TENM2: variants seen among roughly 807,000 people sequenced by gnomAD.
The protein encoded by TENM2 is teneurin-2.
TENM2 carries 52 observed loss-of-function variants against 245.2 expected under a neutral mutation model. That is an observed-to-expected ratio of 0.21 (90% confidence interval 0.17 to 0.27). The LOEUF (loss-of-function observed/expected upper bound fraction) is 0.27, where lower values mean the gene tolerates loss of function less well. Among genes scored for constraint, TENM2 ranks in the 10% least tolerant of loss-of-function variants. The pLI, the probability that TENM2 is intolerant of heterozygous loss-of-function variation, is 1.00. For synonymous variants in TENM2, 1,363 were observed against 1,438.9 expected (o/e 0.95, Z 1.19); for missense variants, 3,046 against 3,666.8 (o/e 0.83, Z 4.37).
At chr5:168,139,853 A>G (rs1489902163) in intron 12 of TENM2, among the ~76,000 whole-genome samples, 1 of 152,208 alleles carries the variant, frequency 6.6e-6, no homozygotes, top group Admixed American at 6.5e-5. Context: ...AGTCTTCCCC[A>G]AATTTCCAAT....
chr5:168,146,488 C>G (rs1259338294), intron 12 of TENM2, among the ~76,000 whole-genome samples: 3 of 152,198 alleles, frequency 2.0e-5, no homozygotes, highest in African/African-American at 7.2e-5. Context: ...TTTATCGCCC[C>G]TGCCTGCTGG....
intron 25 of TENM2, among the ~76,000 whole-genome samples, chr5:168,232,063 CTCAAGAAAAG>C (rs1764973437): frequency 6.6e-6 from 1 of 152,126 alleles, no homozygotes; most frequent in African/African-American, 2.4e-5. Context: ...AAGACCCTGT[CTCAAGAAAAG>C]GAAAGAAAAG....
intron 2 of TENM2, among the ~76,000 whole-genome samples, chr5:167,875,600 A>G (rs1047146254): frequency 2.0e-5 from 3 of 152,108 alleles, no homozygotes; most frequent in Non-Finnish European, 2.9e-5. Flanking sequence ...GGACTGGGAC[A>G]ATGGGGAGTA....
At chr5:167,179,589 A>C in the TENM2 span, among the ~76,000 whole-genome samples, 153 of 152,068 alleles carry the variant, frequency 1.0e-3, 2 homozygotes, top group Middle Eastern at 3.4e-3. Flanking sequence ...CACCCCCGCA[A>C]CCCCGGCTCC....
At chr5:167,025,123 C>T in the TENM2 span, among the ~76,000 whole-genome samples, 3 of 152,004 alleles carry the variant, frequency 2.0e-5, no homozygotes, top group African/African-American at 7.2e-5. Flanking sequence ...ATAATACAAG[C>T]CACACGTATT....
At chr5:167,364,099 A>G (rs1171517758) in intron 1 of TENM2, among the ~76,000 whole-genome samples, 1 of 148,288 alleles carries the variant, frequency 6.7e-6, no homozygotes, top group African/African-American at 2.4e-5. Flanking sequence ...AGGGTAGCGT[A>G]AGATCAGCTG....
At chr5:167,021,510 C>A in the TENM2 span, among the ~76,000 whole-genome samples, 1 of 152,182 alleles carries the variant, frequency 6.6e-6, no homozygotes, top group Non-Finnish European at 1.5e-5. Context: ...ATCCTCTCAC[C>A]TTCGTGTTGT....
intron 2 of TENM2, among the ~76,000 whole-genome samples, chr5:167,816,132 T>C (rs1346943648): frequency 1.3e-5 from 2 of 151,908 alleles, no homozygotes; most frequent in East Asian, 1.9e-4. Context: ...GAAAAAACAA[T>C]AGAGCCACAT....
intron 2 of TENM2, among the ~76,000 whole-genome samples, chr5:167,483,946 C>T (rs150353498): frequency 0.017 from 2,562 of 152,172 alleles, 38 homozygotes; most frequent in Middle Eastern, 0.037. Context: ...AAGTTAATTT[C>T]GATGCTAATT....
At chr5:168,158,911 GTA>G (rs571182263) in intron 12 of TENM2, among the ~76,000 whole-genome samples, 335 of 121,176 alleles carry the variant, frequency 2.8e-3, no homozygotes, top group African/African-American at 0.01. Flanking sequence ...ATGTATATAT[GTA>G]TATATACACA....
At chr5:167,576,287 T>C (rs747568958) in intron 2 of TENM2, among the ~76,000 whole-genome samples, 7 of 152,082 alleles carry the variant, frequency 4.6e-5, no homozygotes, top group Non-Finnish European at 8.8e-5. Flanking sequence ...ATAGCATTTT[T>C]CTGAATTTTC....
chr5:168,047,665 C>CG lies in TENM2; in HGVS notation c.1309+122dup, dbSNP rs1304402937. On this transcript the variant is annotated intron_variant, in intron 6 of 28. Coordinates refer to ENST00000518659, the Ensembl canonical transcript of TENM2. ...GAAGGTATGCCAAAAGAAAAAGAAA[C>CG]GGGGGGAAAAATCATTGCCTTTCAT... The CG allele has an allele frequency of 2.0e-5, 26 of 1,275,824 alleles. No individual in the cohort carries two copies. In the East Asian group the frequency reaches 6.3e-4, roughly 31 times the overall value. 79.0% of individuals were successfully genotyped at this position (1,275,824 alleles called of 1,614,324 possible). A position where few individuals can be genotyped will look rare whatever the true frequency, so the allele number is the denominator to read the frequency against.
At chr5:167,735,077 A>G (rs1473182861) in intron 2 of TENM2, among the ~76,000 whole-genome samples, 1 of 152,196 alleles carries the variant, frequency 6.6e-6, no homozygotes, top group Non-Finnish European at 1.5e-5. Flanking sequence ...GGAAACAACA[A>G]ATATCTATAT....
At chr5:167,332,451 C>T (rs1757515172) in intron 1 of TENM2, among the ~76,000 whole-genome samples, 1 of 152,148 alleles carries the variant, frequency 6.6e-6, no homozygotes, top group Non-Finnish European at 1.5e-5. Flanking sequence ...CTGCACCCGC[C>T]TCAACAGAAA....
At chr5:167,690,539 T>C (rs1356502378) in intron 2 of TENM2, among the ~76,000 whole-genome samples, 1 of 152,214 alleles carries the variant, frequency 6.6e-6, no homozygotes, top group Admixed American at 6.5e-5. Context: ...AGCTGCATGC[T>C]ATTACCATTT....
intron 2 of TENM2, among the ~76,000 whole-genome samples, chr5:167,401,788 C>T (rs1052347292): frequency 3.9e-5 from 6 of 152,216 alleles, no homozygotes; most frequent in Middle Eastern, 3.4e-3. Context: ...ATAAAACTCA[C>T]GGACGAAATC....
In TENM2 at chr5:167,500,518, G is replaced by A. The variant is rs144953471; in HGVS notation, c.502+125045G>A. On this transcript the variant is annotated intron_variant, in intron 2 of 28. Coordinates refer to ENST00000518659, the Ensembl canonical transcript of TENM2. ...ATAAAAAGAAATGGATAGGAACCAA[G>A]GTGACCTAGATTATTAGGAAGCAGA... is the stretch of plus-strand genomic sequence containing the variant. Among the ~76,000 whole-genome samples, 322 of 152,218 alleles carry A rather than the reference G, an allele frequency of 2.1e-3. 1 individual carries two copies. The highest frequency in any genetic ancestry group is 3.5e-3 in the Non-Finnish European group (237 of 68,010).
intron 2 of TENM2, among the ~76,000 whole-genome samples, chr5:167,640,859 CCATATATATAT>C (rs1779523732): frequency 2.2e-4 from 2 of 9,180 alleles, no homozygotes; most frequent in African/African-American, 3.7e-4. Context: ...ATATATATAT[CCATATATATAT>C]ATATATATAT....
At chr5:168,054,532 G>A (rs1197567635) in intron 6 of TENM2, among the ~76,000 whole-genome samples, 1 of 152,230 alleles carries the variant, frequency 6.6e-6, no homozygotes, top group Non-Finnish European at 1.5e-5. Context: ...ATGCTGAGGT[G>A]CCTCCAGAGT....
Sources: allele counts gnomAD v4.1 joint callset (sites outside exome capture counted in the v4.1 genomes callset), GRCh38; gene constraint gnomAD v4.1.1; transcripts MANE v1.5; gene names NCBI Gene and HGNC (gene_info 2026-07-23, HGNC 2026-07-21).